PARD3B: variants seen among roughly 807,000 people sequenced by gnomAD.
PARD3B encodes par-3 family cell polarity regulator beta.
A neutral mutation model predicts 130.2 loss-of-function variants in PARD3B; 103 were observed. That is an observed-to-expected ratio of 0.79 (90% CI 0.67 to 0.93). PARD3B has a LOEUF of 0.93. Among genes scored for constraint, PARD3B ranks in the 40% least tolerant of loss-of-function variants. The pLI is 0.00. For missense variants in PARD3B, 1,609 were observed against 1,499.2 expected, an observed-to-expected ratio of 1.07 and a Z score of -1.21; for synonymous variants, 583 against 553.2, an observed-to-expected ratio of 1.05 and a Z score of -0.76.
In PARD3B at chr2:204,660,537, A is replaced by G. The variant is rs759780067; in HGVS notation, c.121-25644A>G. On this transcript the variant is annotated intron_variant, in intron 1 of 22. Coordinates refer to ENST00000406610, the MANE Select transcript of PARD3B (RefSeq NM_001302769.2). ...GTTGCTAATATACTGTTCTGTCAATACTGTCTCTGGAAGGAGTTCAGATAA... is the reference window on the plus strand; with the variant it reads ...GTTGCTAATATACTGTTCTGTCAATGCTGTCTCTGGAAGGAGTTCAGATAA... Among the ~76,000 whole-genome samples, 4 of 152,150 alleles carry G rather than the reference A, an allele frequency of 2.6e-5. No homozygotes were observed. The East Asian group carries it at 5.8e-4, about 22-fold the overall frequency.
intron 10 of PARD3B, among the ~76,000 whole-genome samples, chr2:205,156,462 C>G (rs1422818909): frequency 6.6e-6 from 1 of 151,350 alleles, no homozygotes; most frequent in Non-Finnish European, 1.5e-5. Context: ...AAATTGTATA[C>G]TTTTGTTGAA....
intron 2 of PARD3B, among the ~76,000 whole-genome samples, chr2:204,904,703 A>T (rs1327348657): frequency 6.6e-6 from 1 of 151,972 alleles, no homozygotes; most frequent in Non-Finnish European, 1.5e-5. Context: ...TGAACTATCC[A>T]TGAAAGATTT....
In PARD3B at chr2:205,301,573, C is replaced by CA. The variant is rs772816756; in HGVS notation, c.2509dup (p.Thr837AsnfsTer25). 6.8e-6 allele frequency: 11 copies of CA among 1,610,984 alleles called. No individual in the cohort carries two copies. Among genetic ancestry groups the CA allele is most frequent in the South Asian group, 1.1e-5 (1 of 90,906 alleles). The stretch of plus-strand genomic sequence containing the variant: ...ACATGGAAAATAAAGCCAGGAAAGT[C>CA]AAAAAAACGAAAGAGAAGGAGAAGA... On this transcript the variant is annotated frameshift_variant, in exon 18 of 23. Transcript: ENST00000406610. LOFTEE classifies it high-confidence loss of function. The surrounding 1 kb of genome is among the most constrained non-coding windows in gnomAD (Gnocchi z 5.2).
Position 205,146,379 on chromosome 2 carries a change from G to A in PARD3B, c.1435-12343G>A, listed in dbSNP as rs2033359499. ...AAATTGTTACATCAGGCTGGGTGCG[G>A]TGGCTCACCCCTGTAATCCCAGCAT... On this transcript the variant is annotated intron_variant, in intron 10 of 22. Coordinates refer to ENST00000406610, the MANE Select transcript of PARD3B (RefSeq NM_001302769.2). This position sits in a 1 kb window ranked among gnomAD's most constrained non-coding sequence, Gnocchi z 4.3. 6.6e-6 allele frequency among the ~76,000 whole-genome samples: 1 copy of A among 152,162 alleles called. No individual in the cohort carries two copies. The highest frequency in any genetic ancestry group is 1.5e-5 in the Non-Finnish European group (1 of 68,030).
At chr2:205,412,843 G>A (rs116272131) in intron 19 of PARD3B, among the ~76,000 whole-genome samples, 224 of 152,242 alleles carry the variant, frequency 1.5e-3, no homozygotes, top group African/African-American at 5.2e-3. Context: ...TACCTAAGTT[G>A]GAAGAGAATT....
Position 205,121,710 on chromosome 2 carries a change from AT to A in PARD3B, c.927del (p.Asn309LysfsTer6). 6.2e-7 allele frequency: 1 copy of A among 1,614,136 alleles called. No individual in the cohort carries two copies. The highest frequency in any genetic ancestry group is 8.5e-7 in the Non-Finnish European group (1 of 1,180,024). ...ATTGGCTCTCTTAACATTTTTGGTA[AT>A]AATGATGGCGTTTTGAAAACCAAAG... ...SVIGSLNIFGNNDGVLKTKVP... is the reference protein window; with the variant it reads ...SVIGSLNIFGXNDGVLKTKVP... On this transcript the variant is annotated frameshift_variant, in exon 8 of 23. Coordinates refer to ENST00000406610, the MANE Select transcript of PARD3B (RefSeq NM_001302769.2). LOFTEE classifies it high-confidence loss of function. The surrounding 1 kb of genome is among the most constrained non-coding windows in gnomAD (Gnocchi z 5.0).
chr2:205,035,944 AT>A (rs1409204183), intron 3 of PARD3B, among the ~76,000 whole-genome samples: 1 of 139,294 alleles, frequency 7.2e-6, no homozygotes, highest in Non-Finnish European at 1.6e-5. Context: ...ATATATATAT[AT>A]ATGACTATTT....
chr2:205,083,812 A>G (rs1386453933), intron 4 of PARD3B, among the ~76,000 whole-genome samples: 1 of 152,122 alleles, frequency 6.6e-6, no homozygotes, highest in Admixed American at 6.5e-5. Context: ...TTAAACATAC[A>G]CAAAAATAGA....
At chr2:205,295,951 T>A (rs1559631482) in intron 16 of PARD3B, among the ~76,000 whole-genome samples, 1 of 152,144 alleles carries the variant, frequency 6.6e-6, no homozygotes, top group East Asian at 1.9e-4. Flanking sequence ...ATTTAAGGAG[T>A]TGTTTCCCTT....
chr2:205,233,857 G>A (rs956503950), intron 15 of PARD3B, among the ~76,000 whole-genome samples: 1 of 152,172 alleles, frequency 6.6e-6, no homozygotes, highest in African/African-American at 2.4e-5. Flanking sequence ...GAATGGTTAT[G>A]TAGTTACTTA....
intron 1 of PARD3B, among the ~76,000 whole-genome samples, chr2:204,589,596 A>G (rs935111112): frequency 2.0e-5 from 3 of 152,180 alleles, no homozygotes; most frequent in African/African-American, 4.8e-5. Context: ...TAGCTATTGC[A>G]TGAGGTTCTA....
chr2:204,682,513 A>G (rs1173580199), intron 1 of PARD3B, among the ~76,000 whole-genome samples: 1 of 152,196 alleles, frequency 6.6e-6, no homozygotes, highest in Non-Finnish European at 1.5e-5. Flanking sequence ...TTCTATAAAG[A>G]AAATTCCGTT....
intron 2 of PARD3B, among the ~76,000 whole-genome samples, chr2:204,798,424 C>T (rs968688769): frequency 2.0e-5 from 3 of 152,154 alleles, no homozygotes; most frequent in Non-Finnish European, 2.9e-5. Context: ...GGCTAAAGCA[C>T]TCCGGGGTTC....
intron 2 of PARD3B, among the ~76,000 whole-genome samples, chr2:204,914,079 G>T (rs926593224): frequency 2.0e-5 from 3 of 152,266 alleles, no homozygotes; most frequent in Non-Finnish European, 2.9e-5. Context: ...TGGCCTGCAC[G>T]CTGGGAGGAG....
intron 4 of PARD3B, among the ~76,000 whole-genome samples, chr2:205,059,395 G>GTCTTTGCCCAGATGTT (rs1699928993): frequency 6.6e-6 from 1 of 152,024 alleles, no homozygotes; most frequent in African/African-American, 2.4e-5. Flanking sequence ...CTGTCTGTGG[G>GTCTTTGCCCAGATGTT]TCTTTGCCCA....
Position 205,230,393 on chromosome 2 carries a change from T to A in PARD3B, c.2141-15385T>A, listed in dbSNP as rs2038773970. 6.6e-6 allele frequency among the ~76,000 whole-genome samples: 1 copy of A among 152,162 alleles called. No individual in the cohort carries two copies. Reference sequence around the variant, plus strand: ...GGTTCTCCCCTTCAAAGCTGCGAGTTTCCTTCTGGCAGAGTGTGTGTCTGG... The same window carrying A: ...GGTTCTCCCCTTCAAAGCTGCGAGTATCCTTCTGGCAGAGTGTGTGTCTGG... On this transcript the variant is annotated intron_variant, in intron 15 of 22. Coordinates refer to ENST00000406610, the MANE Select transcript of PARD3B (RefSeq NM_001302769.2). This position sits in a 1 kb window ranked among gnomAD's most constrained non-coding sequence, Gnocchi z 4.1.
intron 2 of PARD3B, among the ~76,000 whole-genome samples, chr2:204,820,609 G>A (rs2043313782): frequency 6.6e-6 from 1 of 151,490 alleles, no homozygotes; most frequent in Admixed American, 6.6e-5. Context: ...GAGGTCAGGA[G>A]TTCAAGACCA....
At chr2:204,668,155 A>C (rs957417741) in intron 1 of PARD3B, among the ~76,000 whole-genome samples, 2 of 152,146 alleles carry the variant, frequency 1.3e-5, no homozygotes, top group Non-Finnish European at 2.9e-5. Flanking sequence ...GAGAGGAGAG[A>C]GTTGGTCTGG....
At chr2:204,852,271 T>C (rs2044739189) in intron 2 of PARD3B, among the ~76,000 whole-genome samples, 2 of 152,226 alleles carry the variant, frequency 1.3e-5, no homozygotes, top group South Asian at 4.1e-4. Flanking sequence ...TTAATTTTCA[T>C]TATTGCCCTG....
Sources: allele counts gnomAD v4.1 joint callset (sites outside exome capture counted in the v4.1 genomes callset), GRCh38; gene constraint gnomAD v4.1.1; non-coding constraint Gnocchi (gnomAD v3.1); transcripts MANE v1.5; gene names NCBI Gene and HGNC (gene_info 2026-07-23, HGNC 2026-07-21).